The following AP3M1 variants were observed in gnomAD, a reference collection of about 807,000 sequenced individuals.
AP3M1 encodes the protein adaptor related protein complex 3 subunit mu 1, also known as AP-3 complex subunit mu-1.
AP3M1 carries 29 observed loss-of-function variants against 42.6 expected under a neutral mutation model. The observed-to-expected ratio is 0.68, with a 90% confidence interval of 0.51 to 0.93. AP3M1 has a LOEUF of 0.93. Among genes scored for constraint, AP3M1 ranks in the 40% least tolerant of loss-of-function variants. The pLI is 0.00. For missense variants in AP3M1, 416 were observed against 510.2 expected (o/e 0.82, Z 1.78); for synonymous variants, 178 against 175.3 (o/e 1.02, Z -0.12).
intron 8 of AP3M1, 67 bp from the exon 9 acceptor site, chr10:74,123,977 C>A: frequency 1.5e-6 from 2 of 1,346,134 alleles, no homozygotes; most frequent in Non-Finnish European, 2.1e-6. Flanking sequence ...TAGCAATGAG[C>A]GCTATATGGT....
At chr10:74,146,707 G>GT (rs1841339497) in intron 1 of AP3M1, among the ~76,000 whole-genome samples, 1 of 152,152 alleles carries the variant, frequency 6.6e-6, no homozygotes, top group Admixed American at 6.5e-5. Context: ...AATCAGAATT[G>GT]TAAGTAATCA....
intron 1 of AP3M1, among the ~76,000 whole-genome samples, chr10:74,139,986 T>C (rs980323023): frequency 1.2e-4 from 18 of 150,806 alleles, no homozygotes; most frequent in Non-Finnish European, 2.5e-4. Context: ...TCATAAGGAA[T>C]TGAAAAAGAT....
At chr10:74,141,879 G>T (rs1841164044) in intron 1 of AP3M1, among the ~76,000 whole-genome samples, 1 of 140,600 alleles carries the variant, frequency 7.1e-6, no homozygotes, top group Non-Finnish European at 1.5e-5. Context: ...CACCTGGCTA[G>T]TTTTTTTTTT....
intron 7 of AP3M1, among the ~76,000 whole-genome samples, chr10:74,124,893 C>G (rs966280757): frequency 6.6e-6 from 1 of 152,158 alleles, no homozygotes; most frequent in African/African-American, 2.4e-5. Context: ...CATAGTTAGT[C>G]AGAGGTAAGG....
chr10:74,145,245 T>G (rs1841293474), intron 1 of AP3M1, among the ~76,000 whole-genome samples: 1 of 152,222 alleles, frequency 6.6e-6, no homozygotes, highest in East Asian at 1.9e-4. Flanking sequence ...CTACTCATCC[T>G]CTTAAGCTGG....
chr10:74,147,504 T>G (rs1168648844), intron 1 of AP3M1, among the ~76,000 whole-genome samples: 1 of 152,200 alleles, frequency 6.6e-6, no homozygotes. Flanking sequence ...TGTTATGATT[T>G]ATGAAATGTG....
At chr10:74,145,551 A>G (rs1841302742) in intron 1 of AP3M1, among the ~76,000 whole-genome samples, 1 of 152,212 alleles carries the variant, frequency 6.6e-6, no homozygotes, top group Non-Finnish European at 1.5e-5. Context: ...TTCTTTATTT[A>G]TCGTCCTTTT....
At chr10:74,147,521 T>C (rs1841367796) in intron 1 of AP3M1, among the ~76,000 whole-genome samples, 1 of 152,222 alleles carries the variant, frequency 6.6e-6, no homozygotes, top group Non-Finnish European at 1.5e-5. Flanking sequence ...TGTGGAATAA[T>C]TAAATGAAGC....
intron 1 of AP3M1, among the ~76,000 whole-genome samples, chr10:74,147,272 G>A (rs571664772): frequency 5.3e-4 from 72 of 135,186 alleles, no homozygotes; most frequent in Middle Eastern, 3.8e-3. Flanking sequence ...ATGACAGAGC[G>A]AGACTCCATC....
chr10:74,130,972 C>T (rs1286064053), intron 4 of AP3M1, among the ~76,000 whole-genome samples: 3 of 151,612 alleles, frequency 2.0e-5, no homozygotes, highest in Non-Finnish European at 2.9e-5. Flanking sequence ...ATTAGCCAGG[C>T]GTGGTGGTGT....
chr10:74,132,414 G>T (rs1840806860), intron 4 of AP3M1, among the ~76,000 whole-genome samples: 1 of 152,084 alleles, frequency 6.6e-6, no homozygotes, highest in South Asian at 2.1e-4. Context: ...AATCAGATTG[G>T]GTGTGGTGGC....
chr10:74,126,662 G>C (rs1301110164), intron 6 of AP3M1, among the ~76,000 whole-genome samples: 1 of 152,046 alleles, frequency 6.6e-6, no homozygotes, highest in African/African-American at 2.4e-5. Context: ...TTTGAGACCA[G>C]CCTGGCCAAC....
chr10:74,123,779 C>G lies in AP3M1; in HGVS notation c.*31G>C, dbSNP rs770581238. The G allele has an allele frequency of 1.3e-6, 2 of 1,557,660 alleles. No homozygotes were observed. Among genetic ancestry groups the G allele is most frequent in the Non-Finnish European group, 1.8e-6 (2 of 1,128,854 alleles). Reference sequence around the variant, plus strand: ...ATACATCGTAATGACACTTGGAAAACAAACTGGTCCTGAGGAATTTTGGCC... The same window carrying G: ...ATACATCGTAATGACACTTGGAAAAGAAACTGGTCCTGAGGAATTTTGGCC... On this transcript the variant is annotated 3_prime_UTR_variant, in exon 9 of 9. Transcript: ENST00000355264.
intron 1 of AP3M1, among the ~76,000 whole-genome samples, chr10:74,144,664 G>T (rs1295840515): frequency 1.3e-5 from 2 of 148,890 alleles, no homozygotes; most frequent in African/African-American, 5.0e-5. Context: ...TTTAGCTTAT[G>T]ATTTTTTTTT....
intron 4 of AP3M1, among the ~76,000 whole-genome samples, chr10:74,131,498 T>C (rs150244752): frequency 0.014 from 2,058 of 151,764 alleles, 56 homozygotes; most frequent in African/African-American, 0.047. Flanking sequence ...GCAAGTGTAT[T>C]ATGAAATGGA....
chr10:74,145,382 A>C (rs1426332368), intron 1 of AP3M1, among the ~76,000 whole-genome samples: 1 of 152,218 alleles, frequency 6.6e-6, no homozygotes, highest in East Asian at 1.9e-4. Flanking sequence ...CTGAGATGAA[A>C]GCATAACACT....
At chr10:74,132,236 C>T (rs1409334027) in intron 4 of AP3M1, among the ~76,000 whole-genome samples, 5 of 152,008 alleles carry the variant, frequency 3.3e-5, no homozygotes, top group Middle Eastern at 3.4e-3. Context: ...CGGGGTTTTA[C>T]CATGTTGGCC....
Position 74,123,717 on chromosome 10 carries a change from AGAAT to A in AP3M1, c.*89_*92del. 1 of 939,154 alleles carries A rather than the reference AGAAT, an allele frequency of 1.1e-6. No individual in the cohort carries two copies. The highest frequency in any genetic ancestry group is 1.4e-5 in the South Asian group (1 of 72,942). 58.2% of individuals were successfully genotyped at this position (939,154 alleles called of 1,614,324 possible). A position where few individuals can be genotyped will look rare whatever the true frequency, so the allele number is the denominator to read the frequency against. Reference sequence around the variant, plus strand: ...GTAGCTAGACACAAATGCTTTAACTAGAATATGTATTCCCACTCACTTGGTACCT... The same window carrying A: ...GTAGCTAGACACAAATGCTTTAACTAATGTATTCCCACTCACTTGGTACCT... On this transcript the variant is annotated 3_prime_UTR_variant, in exon 9 of 9. Transcript: ENST00000355264.
chr10:74,138,434 C>A, intron 1 of AP3M1, 52 bp from the exon 2 acceptor site: 1 of 1,498,582 alleles, frequency 6.7e-7, no homozygotes, highest in Admixed American at 1.9e-5. Context: ...TATCATTTAA[C>A]ATACACAAAA....
Sources: gnomAD v4.1 joint callset for allele counts (sites outside exome capture counted in the v4.1 genomes callset) on GRCh38, gnomAD v4.1.1 for gene constraint, MANE v1.5 for transcripts, NCBI Gene and HGNC (gene_info 2026-07-23, HGNC 2026-07-21) for gene names.